Variants in CTNNA3 observed in about 807,000 individuals in gnomAD.
CTNNA3 encodes the protein catenin alpha-3.
Under a neutral mutation model 95.7 loss-of-function variants are expected in CTNNA3, and 76 were observed. That is an observed-to-expected ratio of 0.79 (90% CI 0.66 to 0.96). The LOEUF is 0.96. Among genes scored for constraint, CTNNA3 ranks in the 40% least tolerant of loss-of-function variants. The probability of loss-of-function intolerance (pLI) is 0.00; values close to 1 mark genes in which losing one functional copy is unlikely to be tolerated. For missense variants in CTNNA3, 1,191 were observed against 1,089.8 expected (o/e 1.09, Z -1.31); for synonymous variants, 431 against 374.4 (o/e 1.15, Z -1.74).
At chr10:66,930,713 C>T (rs990446906) in intron 7 of CTNNA3, among the ~76,000 whole-genome samples, 5 of 152,072 alleles carry the variant, frequency 3.3e-5, no homozygotes, top group African/African-American at 9.7e-5. Flanking sequence ...TTCAAAGCTA[C>T]TTGGAATATA....
At chr10:66,869,790 G>C (rs1050776920) in intron 7 of CTNNA3, among the ~76,000 whole-genome samples, 1 of 152,124 alleles carries the variant, frequency 6.6e-6, no homozygotes, top group Non-Finnish European at 1.5e-5. Context: ...ACTTCTCTTT[G>C]TGTTGGCATT....
chr10:66,066,011 A>C (rs2080305444), intron 15 of CTNNA3, among the ~76,000 whole-genome samples: 1 of 151,920 alleles, frequency 6.6e-6, no homozygotes, highest in Admixed American at 6.6e-5. Context: ...TTACAGGTGC[A>C]TGCCACCACA....
At chr10:66,404,700 T>C (rs2093044241) in intron 11 of CTNNA3, among the ~76,000 whole-genome samples, 1 of 152,250 alleles carries the variant, frequency 6.6e-6, no homozygotes, top group African/African-American at 2.4e-5. Context: ...TGCAGCCCTG[T>C]GGCCCAGGAC....
chr10:66,391,560 A>T (rs1479798219), intron 11 of CTNNA3, among the ~76,000 whole-genome samples: 2 of 152,126 alleles, frequency 1.3e-5, no homozygotes, highest in Admixed American at 6.6e-5. Flanking sequence ...AGGATATTTT[A>T]AAACTCTGTA....
chr10:67,319,635 C>T (rs1841220867), intron 5 of CTNNA3, among the ~76,000 whole-genome samples: 2 of 152,172 alleles, frequency 1.3e-5, no homozygotes, highest in South Asian at 2.1e-4. Flanking sequence ...GTGGCTCACA[C>T]CTGTAATCGC....
At chr10:66,732,394 T>G (rs1212951731) in intron 9 of CTNNA3, among the ~76,000 whole-genome samples, 2 of 152,162 alleles carry the variant, frequency 1.3e-5, no homozygotes, top group African/African-American at 2.4e-5. Context: ...CCACTTGGCT[T>G]TGTACCCTGA....
chr10:67,029,006 G>A (rs1268095252), intron 7 of CTNNA3, among the ~76,000 whole-genome samples: 1 of 152,136 alleles, frequency 6.6e-6, no homozygotes, highest in African/African-American at 2.4e-5. Context: ...CCCACTAAGT[G>A]TTTTCTCTGT....
At chr10:67,186,973 G>A (rs1862882502) in intron 6 of CTNNA3, among the ~76,000 whole-genome samples, 2 of 152,080 alleles carry the variant, frequency 1.3e-5, no homozygotes, top group African/African-American at 4.8e-5. Flanking sequence ...TTGAATCCTG[G>A]CGCATAGCTA....
At chr10:66,678,021 A>T (rs556507456) in intron 9 of CTNNA3, among the ~76,000 whole-genome samples, 1 of 152,244 alleles carries the variant, frequency 6.6e-6, no homozygotes, top group South Asian at 2.1e-4. Flanking sequence ...AAACCATACA[A>T]TCTCACTTGC....
chr10:66,266,998 C>A (rs952112207), intron 13 of CTNNA3, among the ~76,000 whole-genome samples: 2 of 151,954 alleles, frequency 1.3e-5, no homozygotes, highest in Non-Finnish European at 1.5e-5. Flanking sequence ...TGTTTGTCAT[C>A]TATTCGATAA....
chr10:67,697,558 GA>G (rs1364303589), upstream of CTNNA3, among the ~76,000 whole-genome samples: 1 of 152,086 alleles, frequency 6.6e-6, no homozygotes, highest in Non-Finnish European at 1.5e-5. Flanking sequence ...ATGTAGATGA[GA>G]ACTCTTATTC....
intron 13 of CTNNA3, among the ~76,000 whole-genome samples, chr10:66,274,970 G>A (rs538609310): frequency 3.1e-4 from 47 of 151,874 alleles, no homozygotes; most frequent in South Asian, 1.0e-3. Flanking sequence ...AATTATTACC[G>A]CTTATTTTAT....
intron 17 of CTNNA3, among the ~76,000 whole-genome samples, chr10:65,950,262 T>C (rs888650893): frequency 2.0e-5 from 3 of 152,216 alleles, no homozygotes; most frequent in Non-Finnish European, 2.9e-5. Context: ...TGAGTCAGAC[T>C]GAAATGACTA....
intron 7 of CTNNA3, among the ~76,000 whole-genome samples, chr10:67,070,837 T>G (rs1434981333): frequency 6.6e-6 from 1 of 152,206 alleles, no homozygotes; most frequent in Non-Finnish European, 1.5e-5. Flanking sequence ...ATTTCCTACC[T>G]AGTTGCCCTG....
chr10:66,053,484 T>C (rs2080006894), intron 15 of CTNNA3, among the ~76,000 whole-genome samples: 1 of 152,044 alleles, frequency 6.6e-6, no homozygotes, highest in African/African-American at 2.4e-5. Context: ...ATCCATCCTT[T>C]GAGTTACAAA....
At chr10:67,747,880 C>G (rs1841381970) in intron 1 of CTNNA3, among the ~76,000 whole-genome samples, 5 of 152,152 alleles carry the variant, frequency 3.3e-5, no homozygotes, top group Admixed American at 2.0e-4. Flanking sequence ...GTTACAGGAG[C>G]TGTTAACTAG....
rs193101710 is a variant in CTNNA3 at position 67,066,859 on chromosome 10, C to T, written c.1047+113458G>A. ...TAGTGATGTTATATTAAAAATCTGC[C>T]TTTAATTTAATTTTAAAATGAAGGG... On this transcript the variant is annotated intron_variant, in intron 7 of 17. Transcript: ENST00000433211. Among the ~76,000 whole-genome samples the T allele has an allele frequency of 9.4e-3, 1,436 of 152,184 alleles. 9 individuals carry two copies. The highest frequency in any genetic ancestry group is 0.014 in the Non-Finnish European group (949 of 68,006).
intron 4 of CTNNA3, among the ~76,000 whole-genome samples, chr10:67,534,068 A>G (rs1840417782): frequency 6.6e-6 from 1 of 152,070 alleles, no homozygotes; most frequent in Admixed American, 6.6e-5. Flanking sequence ...GGAAAAAAAA[A>G]AAGTCCAGAA....
chr10:66,245,723 G>A (rs1317929470), intron 13 of CTNNA3, among the ~76,000 whole-genome samples: 1 of 152,142 alleles, frequency 6.6e-6, no homozygotes, highest in Non-Finnish European at 1.5e-5. Context: ...CCCTGGAGTG[G>A]GTTGCTGTTC....
Sources: gnomAD v4.1 joint callset for allele counts (sites outside exome capture counted in the v4.1 genomes callset) on GRCh38, gnomAD v4.1.1 for gene constraint, MANE v1.5 for transcripts, NCBI Gene and HGNC (gene_info 2026-07-23, HGNC 2026-07-21) for gene names.